The following ATP8B3 variants were observed in gnomAD, a reference collection of about 807,000 sequenced individuals.
ATP8B3 encodes ATPase phospholipid transporting 8B3, also known as phospholipid-transporting ATPase IK.
ATP8B3 carries 141 observed loss-of-function variants against 140.9 expected under a neutral mutation model. The observed-to-expected ratio is 1.00, with a 90% CI of 0.87 to 1.15. The LOEUF is 1.15. Among genes scored for constraint, ATP8B3 ranks in the 50% most tolerant of loss-of-function variants. The pLI is 0.00. For synonymous variants in ATP8B3, 765 were observed against 714.6 expected (o/e 1.07, Z -1.13); for missense variants, 1,874 against 1,740.6 (o/e 1.08, Z -1.36).
chr19:1,787,070 C>A, intron 25 of ATP8B3, 33 bp downstream of exon 25: 2 of 1,535,174 alleles, frequency 1.3e-6, no homozygotes, highest in Non-Finnish European at 1.8e-6. Context: ...TAAGCAGAGA[C>A]CTGGAAGGAA....
At chr19:1,797,928 C>T (rs557487706) in intron 14 of ATP8B3, among the ~76,000 whole-genome samples, 8 of 152,126 alleles carry the variant, frequency 5.3e-5, no homozygotes, top group African/African-American at 1.9e-4. Flanking sequence ...CTTCAGCCTT[C>T]CAAGTTGCTG....
Position 1,785,309 on chromosome 19 carries a change from G to A in ATP8B3, c.3394-12C>T, listed in dbSNP as rs1390978246. The A allele has an allele frequency of 6.3e-7, 1 of 1,582,914 alleles. No individual in the cohort carries two copies. Among genetic ancestry groups the A allele is most frequent in the Non-Finnish European group, 8.6e-7 (1 of 1,163,422 alleles). ...ATGATAAGAATGACCTGGACAGGCA[G>A]CGGTGGGGTAAATCCGGGGCCTAGC... On this transcript the variant is annotated splice_polypyrimidine_tract_variant and intron_variant, in intron 26 of 28. Coordinates refer to ENST00000310127, the MANE Select transcript of ATP8B3 (RefSeq NM_138813.4).
chr19:1,808,720 C>T (rs181319781), intron 4 of ATP8B3, among the ~76,000 whole-genome samples: 38 of 152,244 alleles, frequency 2.5e-4, no homozygotes, highest in Admixed American at 7.2e-4. Flanking sequence ...GCAAGACACC[C>T]AAGAGGATTT....
In ATP8B3 at chr19:1,811,544, T is replaced by G. The variant is rs765503459; in HGVS notation, c.193A>C (p.Arg65=). 2 of 1,612,424 alleles carry G rather than the reference T, an allele frequency of 1.2e-6. No individual in the cohort carries two copies. Among genetic ancestry groups the G allele is most frequent in the Non-Finnish European group, 1.7e-6 (2 of 1,179,784 alleles). ...GDSPGRGAPE[R]RHKAQPGRAR... is the part of the protein sequence containing the mutation. Reference sequence around the variant, plus strand: ...CGGCCAGGCTGGGCCTTGTGCCTCCTCTCAGGTGCCCCTCTGCCTGGGGAG... The same window carrying G: ...CGGCCAGGCTGGGCCTTGTGCCTCCGCTCAGGTGCCCCTCTGCCTGGGGAG... Residue 65 remains arginine (R), a synonymous_variant, in exon 2 of 29, where the codon AGG becomes CGG. Transcript: ENST00000310127.
intron 14 of ATP8B3, chr19:1,799,728 C>T (rs2068783014): frequency 1.2e-5 from 7 of 599,740 alleles, no homozygotes; most frequent in Non-Finnish European, 1.8e-5. Context: ...TGCACCACTG[C>T]ATTCCTGCCT....
Position 1,810,635 on chromosome 19 carries a change from C to T in ATP8B3, c.297G>A (p.Glu99=). 1 of 1,613,122 alleles carries T rather than the reference C, an allele frequency of 6.2e-7. No individual in the cohort carries two copies. Among genetic ancestry groups the T allele is most frequent in the Non-Finnish European group, 8.5e-7 (1 of 1,179,616 alleles). ...CAGGATCAGCACCTGAGTTCCTGTCCTCATCTTGGAGATCTTCTCTCTGGC... is the reference window on the plus strand; with the variant it reads ...CAGGATCAGCACCTGAGTTCCTGTCTTCATCTTGGAGATCTTCTCTCTGGC... ...SLGQREDLQD[E]DRNSAFTWKV... Residue 99 remains glutamate, a synonymous_variant, in exon 3 of 29, where the codon GAG becomes GAA. Transcript: ENST00000310127.
At chr19:1,797,593 G>A (rs561145287) in intron 14 of ATP8B3, among the ~76,000 whole-genome samples, 26 of 151,334 alleles carry the variant, frequency 1.7e-4, no homozygotes, top group Non-Finnish European at 3.4e-4. Context: ...TCAGCCTCCT[G>A]GGTTCAAGTG....
Position 1,783,137 on chromosome 19 carries a change from G to C in ATP8B3, c.3794C>G (p.Thr1265Ser). Residue 1265 changes from threonine (T) to serine (S), a missense_variant, in exon 29 of 29, where the codon ACT becomes AGT. By Grantham distance (58) the Thr-to-Ser change is moderately conservative (BLOSUM62 1). Coordinates refer to ENST00000310127, the MANE Select transcript of ATP8B3 (RefSeq NM_138813.4). Reference protein sequence around the residue: ...SHREGYANLITQGTILRRGPG... With the variant: ...SHREGYANLISQGTILRRGPG... ...TCCCCTCCGCAGAATTGTGCCCTGA[G>C]TGATGAGGTTTGCATATCCCTCACG... is the stretch of plus-strand genomic sequence containing the variant. The C allele has an allele frequency of 6.2e-7, 1 of 1,613,794 alleles. No individual in the cohort carries two copies. The highest frequency in any genetic ancestry group is 8.5e-7 in the Non-Finnish European group (1 of 1,179,844).
intron 3 of ATP8B3, 84 bp from the exon 4 acceptor site, chr19:1,809,818 G>T: frequency 2.3e-6 from 3 of 1,292,884 alleles, no homozygotes; most frequent in Non-Finnish European, 3.3e-6. Flanking sequence ...GGCTCATGGG[G>T]CCCGTGGGAC....
intron 2 of ATP8B3, among the ~76,000 whole-genome samples, chr19:1,810,982 G>C (rs994058586): frequency 6.6e-6 from 1 of 152,016 alleles, no homozygotes; most frequent in Non-Finnish European, 1.5e-5. Flanking sequence ...GGACTCTACC[G>C]CCAGCCATGC....
intron 25 of ATP8B3, among the ~76,000 whole-genome samples, chr19:1,786,348 C>T (rs1309000131): frequency 6.6e-6 from 1 of 151,870 alleles, no homozygotes; most frequent in Non-Finnish European, 1.5e-5. Flanking sequence ...GGAGGATCAC[C>T]TGAGGTCAGG....
At chr19:1,788,807 A>T in intron 24 of ATP8B3, 90 bp downstream of exon 24, 1 of 1,247,132 alleles carries the variant, frequency 8.0e-7, no homozygotes, top group Non-Finnish European at 1.1e-6. Context: ...CAGGGTTCTC[A>T]GTGCGTCCAG....
chr19:1,792,579 CA>C (rs3050768), intron 18 of ATP8B3, among the ~76,000 whole-genome samples: 1,396 of 95,284 alleles, frequency 0.015, 20 homozygotes, highest in African/African-American at 0.055. Flanking sequence ...GACTCCATCT[CA>C]AAAAAAAAAA....
chr19:1,811,444 AGCCCCT>A, intron 2 of ATP8B3, 39 bp downstream of exon 2: 1 of 1,582,178 alleles, frequency 6.3e-7, no homozygotes, highest in Non-Finnish European at 8.6e-7. Flanking sequence ...CTCCCCGCCA[AGCCCCT>A]GCCCCTGTGT....
rs1331638846 is a variant in ATP8B3, at chr19:1,806,940, A to G, written c.615+228T>C. 1.3e-5 allele frequency among the ~76,000 whole-genome samples: 2 copies of G among 151,944 alleles called. No individual in the cohort carries two copies. Among genetic ancestry groups the G allele is most frequent in the East Asian group, 1.9e-4 (1 of 5,174 alleles). ...CCAGACCACCCCCCACCAAAGCTCAATGGCCCCAAAACCACGCACCGACAG... is the reference window on the plus strand; with the variant it reads ...CCAGACCACCCCCCACCAAAGCTCAGTGGCCCCAAAACCACGCACCGACAG... On this transcript the variant is annotated intron_variant, in intron 6 of 28. Coordinates refer to ENST00000310127, the MANE Select transcript of ATP8B3 (RefSeq NM_138813.4). This position sits in a 1 kb window ranked among gnomAD's most constrained non-coding sequence, Gnocchi z 5.6.
rs1290175308 is a variant in ATP8B3 at position 1,807,082 on chromosome 19, C to T, written c.615+86G>A. On this transcript the variant is annotated intron_variant, in intron 6 of 28. Coordinates refer to ENST00000310127, the MANE Select transcript of ATP8B3 (RefSeq NM_138813.4). The surrounding 1 kb of genome is among the most constrained non-coding windows in gnomAD (Gnocchi z 5.9). Reference sequence around the variant, plus strand: ...CCCTAATGCTCCAGGAAGCCCAGCCCTCCTCCCACTCTCGCCCAGGGATCA... The same window carrying T: ...CCCTAATGCTCCAGGAAGCCCAGCCTTCCTCCCACTCTCGCCCAGGGATCA... 8.0e-7 allele frequency: 1 copy of T among 1,243,268 alleles called. No homozygotes were observed. The allele number at this position is 1,243,268 out of a possible 1,614,324, so 77.0% of individuals were successfully genotyped here. A position where few individuals can be genotyped will look rare whatever the true frequency, so the allele number is the denominator to read the frequency against.
Position 1,797,038 on chromosome 19 carries a change from C to T in ATP8B3, c.1553-33G>A, listed in dbSNP as rs1405120276. The T allele has an allele frequency of 1.9e-6, 3 of 1,612,802 alleles. No individual in the cohort carries two copies. The South Asian group carries it at 3.3e-5, about 18-fold the overall frequency. Reference sequence around the variant, plus strand: ...AAGACACAGCTTCCTGCTTCAGCTCCCACAGGCCCCCCATTCGGGATCCCA... The same window carrying T: ...AAGACACAGCTTCCTGCTTCAGCTCTCACAGGCCCCCCATTCGGGATCCCA... On this transcript the variant is annotated intron_variant, in intron 14 of 28. Transcript: ENST00000310127.
In ATP8B3 at chr19:1,806,574, C is replaced by G; in HGVS notation, c.677+54G>C. On this transcript the variant is annotated intron_variant, in intron 7 of 28. Coordinates refer to ENST00000310127, the MANE Select transcript of ATP8B3 (RefSeq NM_138813.4). The surrounding 1 kb of genome is among the most constrained non-coding windows in gnomAD (Gnocchi z 5.6). ...ACACTTGCCGAGGCCGATGACCCTG[C>G]TGGGCTGGAGCCCCCGTGTCCCCGC... The G allele has an allele frequency of 3.2e-6, 5 of 1,548,542 alleles. No homozygotes were observed. Among genetic ancestry groups the G allele is most frequent in the Non-Finnish European group, 4.4e-6 (5 of 1,146,440 alleles).
At chr19:1,788,742 C>G (rs1300316810) in intron 24 of ATP8B3, among the ~76,000 whole-genome samples, 155 bp downstream of exon 24, 2 of 152,322 alleles carry the variant, frequency 1.3e-5, no homozygotes, top group Non-Finnish European at 2.9e-5. Flanking sequence ...CTCTAGGCCT[C>G]CACTAACGCA....
Sources: gnomAD v4.1 joint callset for allele counts (sites outside exome capture counted in the v4.1 genomes callset) on GRCh38, gnomAD v4.1.1 for gene constraint, Gnocchi (gnomAD v3.1) non-coding constraint, MANE v1.5 for transcripts, NCBI Gene and HGNC (gene_info 2026-07-23, HGNC 2026-07-21) for gene names.